The following ATOH8 variants were observed in gnomAD, a reference collection of about 807,000 sequenced individuals.
The protein encoded by ATOH8 is atonal bHLH transcription factor 8, also known as transcription factor ATOH8.
Under a neutral mutation model 21.2 loss-of-function variants are expected in ATOH8, and 9 were observed. The ratio of observed to expected loss-of-function variants is 0.42; its 90% CI spans 0.26 to 0.74. The LOEUF (loss-of-function observed/expected upper bound fraction) is 0.74. Among genes scored for constraint, ATOH8 ranks in the 30% least tolerant of loss-of-function variants. The probability of loss-of-function intolerance (pLI) is 0.24; values close to 1 mark genes in which losing one functional copy is unlikely to be tolerated. For synonymous variants in ATOH8, 253 were observed against 224.0 expected (o/e 1.13, Z -1.16); for missense variants, 524 against 470.9 (o/e 1.11, Z -1.04).
intron 1 of ATOH8, among the ~76,000 whole-genome samples, chr2:85,761,918 G>C (rs1679881725): frequency 6.6e-6 from 1 of 152,200 alleles, no homozygotes; most frequent in African/African-American, 2.4e-5. Context: ...CTGGGAGTGG[G>C]AGATGGGGTG....
chr2:85,757,491 G>A (rs1679741947), intron 1 of ATOH8, among the ~76,000 whole-genome samples: 1 of 152,266 alleles, frequency 6.6e-6, no homozygotes, highest in Admixed American at 6.5e-5. Context: ...TGGGGCCTTG[G>A]CCAGTGTGGC....
rs773908767 is a variant in ATOH8 at position 85,754,616 on chromosome 2, C to T, written c.427C>T (p.Gln143Ter). Reference protein sequence around the residue: ...QSQAPGGPEAQPFREPGLRPR... With the variant: ...QSQAPGGPEA The stretch of plus-strand genomic sequence containing the variant: ...CCAGGCACCTGGGGGCCCAGAGGCA[C>T]AGCCTTTCCGGGAGCCGGGTCTGCG... The change falls in exon 1 of 3, where the codon CAG (glutamine) becomes TAG (stop). Residue 143 changes from glutamine (Q) to a stop codon, truncating the protein, a stop_gained. Coordinates refer to ENST00000306279, the MANE Select transcript of ATOH8 (RefSeq NM_032827.7). LOFTEE classifies it high-confidence loss of function. The T allele has an allele frequency of 6.7e-7, 1 of 1,499,134 alleles. No individual in the cohort carries two copies. Among genetic ancestry groups the T allele is most frequent in the Non-Finnish European group, 8.8e-7 (1 of 1,130,652 alleles). The allele number at this position is 1,499,134 out of a possible 1,614,324, so 92.9% of individuals were successfully genotyped here.
At chr2:85,759,168 G>A (rs1007773627) in intron 1 of ATOH8, among the ~76,000 whole-genome samples, 2 of 152,186 alleles carry the variant, frequency 1.3e-5, no homozygotes, top group Non-Finnish European at 2.9e-5. Context: ...TGGAGAGGGC[G>A]TGGGAATGGT....
chr2:85,783,797 A>G (rs1329194351), intron 2 of ATOH8: 1 of 152,248 alleles, frequency 6.6e-6, no homozygotes, highest in African/African-American at 2.4e-5. Context: ...TGTGGTGGTC[A>G]CAGCGCGGAT....
Position 85,754,731 on chromosome 2 carries a change from C to G in ATOH8, c.542C>G (p.Pro181Arg). ...PPAPPESTVR[P>R]APPTRPGESS... ...GCGCCCCCGGAGTCCACTGTGCGCC[C>G]TGCGCCCCCGACGCGCCCCGGGGAA... is the stretch of plus-strand genomic sequence containing the variant. Residue 181 changes from proline (P) to arginine (R), a missense_variant, in exon 1 of 3, where the codon CCT becomes CGT. Physicochemically the swap from Pro to Arg is moderately radical, Grantham distance 103. Coordinates refer to ENST00000306279, the MANE Select transcript of ATOH8 (RefSeq NM_032827.7). The G allele has an allele frequency of 1.9e-6, 3 of 1,612,468 alleles. No homozygotes were observed. The highest frequency in any genetic ancestry group is 1.7e-4 in the Middle Eastern group (1 of 6,060).
At chr2:85,765,588 AAGG>A (rs1395354952) in intron 2 of ATOH8, among the ~76,000 whole-genome samples, 1 of 152,088 alleles carries the variant, frequency 6.6e-6, no homozygotes, top group Non-Finnish European at 1.5e-5. Flanking sequence ...CTCGGTGACA[AAGG>A]AGGTTTGTAA....
In ATOH8 at chr2:85,754,500, T is replaced by C; in HGVS notation, c.311T>C (p.Val104Ala). 1 of 1,431,432 alleles carries C rather than the reference T, an allele frequency of 7.0e-7. No homozygotes were observed. The allele number at this position is 1,431,432 out of a possible 1,614,324, so 88.7% of individuals were successfully genotyped here. Reference sequence around the variant, plus strand: ...CGCGGGGGCTCTCGGGCGCCCGAGGTCTCCGACGCGCGGAAACGCTGCTTC... The same window carrying C: ...CGCGGGGGCTCTCGGGCGCCCGAGGCCTCCGACGCGCGGAAACGCTGCTTC... ...GERGGSRAPE[V>A]SDARKRCFAL... The change falls in exon 1 of 3, where the codon GTC becomes GCC. Residue 104 changes from valine to alanine, a missense_variant. Transcript: ENST00000306279.
In ATOH8 at chr2:85,754,996, G is replaced by A. The variant is rs546288763; in HGVS notation, c.768+39G>A. On this transcript the variant is annotated intron_variant, in intron 1 of 2. Coordinates refer to ENST00000306279, the MANE Select transcript of ATOH8 (RefSeq NM_032827.7). ...GCCGCACGCCCTCACTGCGCCGGGG[G>A]ACGACTGCGGGAATGGGTGGGCGAG... is the stretch of plus-strand genomic sequence containing the variant. The A allele has an allele frequency of 6.2e-5, 95 of 1,542,118 alleles. No individual in the cohort carries two copies. The African/African-American group carries it at 1.2e-3, about 20-fold the overall frequency.
chr2:85,775,249 G>A (rs946842238), intron 2 of ATOH8: 1 of 985,178 alleles, frequency 1.0e-6, no homozygotes, highest in African/African-American at 1.8e-5. Flanking sequence ...CTGTCTTCTG[G>A]CACATACTAG....
chr2:85,782,844 C>T (rs975395056), intron 2 of ATOH8, among the ~76,000 whole-genome samples: 7 of 152,126 alleles, frequency 4.6e-5, no homozygotes, highest in East Asian at 1.9e-4. Context: ...TACAAGCATG[C>T]GCCACCACAC....
intron 2 of ATOH8, chr2:85,772,646 C>T (rs1466850932): frequency 1.5e-5 from 7 of 452,206 alleles, no homozygotes; most frequent in Non-Finnish European, 3.1e-5. Flanking sequence ...GATACAACAG[C>T]GCGAGCAGCT....
chr2:85,782,444 A>C (rs1003830920), intron 2 of ATOH8, among the ~76,000 whole-genome samples: 1 of 139,972 alleles, frequency 7.1e-6, no homozygotes, highest in Non-Finnish European at 1.5e-5. Flanking sequence ...TCAGGATAGG[A>C]AAACAATTAG....
intron 2 of ATOH8, among the ~76,000 whole-genome samples, chr2:85,781,508 G>A (rs942311290): frequency 1.3e-5 from 2 of 152,108 alleles, no homozygotes; most frequent in Non-Finnish European, 2.9e-5. Flanking sequence ...CAAAGTTACC[G>A]TGAGCCAAGA....
At position 85,766,285 on chromosome 2, in the gene ATOH8, C is replaced by T. The variant is rs771528787; in HGVS notation, c.960+2103C>T. 2.6e-5 allele frequency among the ~76,000 whole-genome samples: 4 copies of T among 151,926 alleles called. No homozygotes were observed. The South Asian group carries it at 6.2e-4, about 24-fold the overall frequency. On this transcript the variant is annotated intron_variant, in intron 2 of 2. Transcript: ENST00000306279. The surrounding 1 kb of genome is among the most constrained non-coding windows in gnomAD (Gnocchi z 4.0). ...TGCCCTGGAGAGGGATTTTGGGGGT[C>T]GAGATGGAAGTTCCAGGGTAGGAAC...
At chr2:85,755,046 T>A (rs577071080) in intron 1 of ATOH8, 89 bp downstream of exon 1, 2 of 1,447,904 alleles carry the variant, frequency 1.4e-6, no homozygotes, top group East Asian at 5.0e-5. Flanking sequence ...TAGAGGTGTG[T>A]TTAAGGGGCA....
chr2:85,772,959 A>T, intron 2 of ATOH8: 1 of 389,756 alleles, frequency 2.6e-6, no homozygotes, highest in Non-Finnish European at 5.0e-6. Flanking sequence ...GTCACTGGGG[A>T]TGGTTGAAAG....
rs1573531970 is a variant in ATOH8 at position 85,772,675 on chromosome 2, A to T, written c.960+8493A>T. 3 of 456,274 alleles carry T rather than the reference A, an allele frequency of 6.6e-6. 1 individual carries two copies. The Middle Eastern group carries it at 9.8e-4, about 148-fold the overall frequency. 28.3% of individuals were successfully genotyped at this position (456,274 alleles called of 1,614,324 possible). A position where few individuals can be genotyped will look rare whatever the true frequency, so the allele number is the denominator to read the frequency against. On this transcript the variant is annotated intron_variant, in intron 2 of 2. Transcript: ENST00000306279. The stretch of plus-strand genomic sequence containing the variant: ...AGCAGCTGGTTTGGAGGCAGCAGGG[A>T]AAACCGTGCAAAAGGTTCTTTGTGA...
intron 2 of ATOH8, among the ~76,000 whole-genome samples, chr2:85,778,264 G>T (rs966604980): frequency 2.6e-5 from 4 of 152,206 alleles, no homozygotes; most frequent in African/African-American, 9.6e-5. Flanking sequence ...TAACCACTGT[G>T]CTGGATTGTT....
At chr2:85,769,164 AG>A (rs113576352) in intron 2 of ATOH8, among the ~76,000 whole-genome samples, 5,846 of 152,304 alleles carry the variant, frequency 0.038, 411 homozygotes, top group African/African-American at 0.13. Context: ...TGCACAAACC[AG>A]GGCATTGTCT....
Sources: allele counts gnomAD v4.1 joint callset (sites outside exome capture counted in the v4.1 genomes callset), GRCh38; gene constraint gnomAD v4.1.1; non-coding constraint Gnocchi (gnomAD v3.1); transcripts MANE v1.5; gene names NCBI Gene and HGNC (gene_info 2026-07-23, HGNC 2026-07-21).